ZNF248: variants seen among roughly 807,000 people sequenced by gnomAD.
ZNF248 encodes the protein KRAB protein domain.
Under a neutral mutation model 44.3 loss-of-function variants are expected in ZNF248, and 20 were observed. That is an observed-to-expected ratio of 0.45 (90% confidence interval 0.32 to 0.66). The LOEUF (loss-of-function observed/expected upper bound fraction) is 0.66. Among genes scored for constraint, ZNF248 ranks in the 30% least tolerant of loss-of-function variants. ZNF248 has a pLI of 0.04. For missense variants in ZNF248, 654 were observed against 677.0 expected, an observed-to-expected ratio of 0.97 and a Z score of 0.38; for synonymous variants, 224 against 229.0, an observed-to-expected ratio of 0.98 and a Z score of 0.20.
chr10:37,818,668 T>G (rs949315525), intron 6 of ZNF248: 7 of 529,226 alleles, frequency 1.3e-5, no homozygotes, highest in Admixed American at 2.6e-5. Context: ...GCAGGGCTAC[T>G]CACAAAGACC....
In ZNF248 at chr10:37,832,928, A is replaced by G. The variant is rs777956153; in HGVS notation, c.427T>C (p.Cys143Arg). 6.8e-6 allele frequency: 11 copies of G among 1,613,258 alleles called. No individual in the cohort carries two copies. Among genetic ancestry groups the G allele is most frequent in the Non-Finnish European group, 8.5e-6 (10 of 1,179,694 alleles). ...RNYPYKICDS[C>R]EMNLKNISGL... ...GAAATATTTTTCAAATTCATTTCAC[A>G]TGAGTCACATATTTTATAGGGATAA... The change falls in exon 6 of 6, where the codon TGT becomes CGT. Residue 143 changes from cysteine to arginine, a missense_variant. Physicochemically the swap from Cys to Arg is radical, Grantham distance 180. Coordinates refer to ENST00000395867, the MANE Select transcript of ZNF248 (RefSeq NM_021045.3).
At chr10:37,784,727 G>A (rs1337155176) in intron 6 of ZNF248, among the ~76,000 whole-genome samples, 3 of 152,160 alleles carry the variant, frequency 2.0e-5, no homozygotes, top group South Asian at 2.1e-4. Context: ...AGTACACAGT[G>A]AGTTCCACAA....
chr10:37,777,229 T>G (rs2046676440), intron 6 of ZNF248, among the ~76,000 whole-genome samples: 1 of 152,174 alleles, frequency 6.6e-6, no homozygotes, highest in African/African-American at 2.4e-5. Context: ...CTTGAACCTT[T>G]GAAGTGGGCC....
In ZNF248 at chr10:37,856,352, A is replaced by G. The variant is rs2061284025; in HGVS notation, c.-27-15T>C. On this transcript the variant is annotated splice_polypyrimidine_tract_variant and intron_variant, in intron 2 of 5. Transcript: ENST00000395867. The stretch of plus-strand genomic sequence containing the variant: ...AGGAAGGAGAGCTGAAGGATTAGAA[A>G]GGAAGAATGTCAGGAGAGCCTTCGC... 1 of 1,613,260 alleles carries G rather than the reference A, an allele frequency of 6.2e-7. No individual in the cohort carries two copies. Among genetic ancestry groups the G allele is most frequent in the Non-Finnish European group, 8.5e-7 (1 of 1,179,698 alleles).
Position 37,857,385 on chromosome 10 carries a change from A to G in ZNF248, c.-326T>C, listed in dbSNP as rs1356362071. On this transcript the variant is annotated 5_prime_UTR_variant, in exon 1 of 6. Coordinates refer to ENST00000395867, the MANE Select transcript of ZNF248 (RefSeq NM_021045.3). The stretch of plus-strand genomic sequence containing the variant: ...CCCTTCGCTCCTGCACTCCACGGGC[A>G]GAGAGGCCCTTGGGGCCGGTGCAGG... The G allele has an allele frequency of 6.6e-6, 1 of 152,318 alleles. No homozygotes were observed. The highest frequency in any genetic ancestry group is 1.5e-5 in the Non-Finnish European group (1 of 68,112). The allele number at this position is 152,318 out of a possible 1,614,324, so 9.4% of individuals were successfully genotyped here.
At chr10:37,806,877 A>C (rs1346360853) in intron 6 of ZNF248, among the ~76,000 whole-genome samples, 1 of 151,984 alleles carries the variant, frequency 6.6e-6, no homozygotes, top group Non-Finnish European at 1.5e-5. Flanking sequence ...TACAATCTTA[A>C]CTCTTACATG....
chr10:37,830,298 T>G lies in ZNF248; in HGVS notation c.*1317A>C. The G allele has an allele frequency of 2.0e-6, 2 of 985,378 alleles. No homozygotes were observed. The highest frequency in any genetic ancestry group is 9.4e-5 in the South Asian group (2 of 21,288). The allele number at this position is 985,378 out of a possible 1,614,324, so 61.0% of individuals were successfully genotyped here. A position where few individuals can be genotyped will look rare whatever the true frequency, so the allele number is the denominator to read the frequency against. On this transcript the variant is annotated 3_prime_UTR_variant, in exon 6 of 6. Coordinates refer to ENST00000395867, the MANE Select transcript of ZNF248 (RefSeq NM_021045.3). ...AACCTCAGAAAAGTACTGTTTAACT[T>G]CTTTACTGAAGTGATAGTTCAATAA...
At chr10:37,791,142 C>T (rs1236723201) in intron 6 of ZNF248, among the ~76,000 whole-genome samples, 3 of 137,172 alleles carry the variant, frequency 2.2e-5, no homozygotes, top group Non-Finnish European at 3.1e-5. Flanking sequence ...CCCGGGTTCA[C>T]GCCATTCTCC....
chr10:37,770,384 C>T, the ZNF248 span, among the ~76,000 whole-genome samples: 1 of 152,166 alleles, frequency 6.6e-6, no homozygotes, highest in Non-Finnish European at 1.5e-5. Context: ...TACTACAAGG[C>T]TACAGTAACC....
chr10:37,799,915 T>C (rs2049594773), intron 6 of ZNF248, among the ~76,000 whole-genome samples: 1 of 151,994 alleles, frequency 6.6e-6, no homozygotes, highest in Non-Finnish European at 1.5e-5. Context: ...TATTAAAAAA[T>C]ACTAGAAGTA....
At chr10:37,842,606 C>T (rs2058540903) in intron 3 of ZNF248, among the ~76,000 whole-genome samples, 1 of 152,102 alleles carries the variant, frequency 6.6e-6, no homozygotes, top group South Asian at 2.1e-4. Context: ...TGGGAAATAC[C>T]TGAAGGACTG....
chr10:37,838,583 C>A (rs952896291), intron 3 of ZNF248, among the ~76,000 whole-genome samples: 2 of 152,074 alleles, frequency 1.3e-5, no homozygotes, highest in South Asian at 4.1e-4. Context: ...CAAGTGACTG[C>A]CCCGCAGTCT....
rs550189260 is a variant in ZNF248, at chr10:37,831,448, C to G, written c.*167G>C. ...CATATTACTTAGATGAATAGAATTC[C>G]CCTCAGTACAAATTTTCTAATGAAA... On this transcript the variant is annotated 3_prime_UTR_variant, in exon 6 of 6. Transcript: ENST00000395867. The G allele has an allele frequency of 4.6e-5, 67 of 1,462,932 alleles. No individual in the cohort carries two copies. The African/African-American group carries it at 8.2e-4, about 18-fold the overall frequency. 90.6% of individuals were successfully genotyped at this position (1,462,932 alleles called of 1,614,324 possible). A position where few individuals can be genotyped will look rare whatever the true frequency, so the allele number is the denominator to read the frequency against.
chr10:37,795,219 T>C (rs2049012066), intron 6 of ZNF248: 1 of 152,236 alleles, frequency 6.6e-6, no homozygotes, highest in Non-Finnish European at 1.5e-5. Context: ...TTTCATACAC[T>C]GAGGATAATC....
chr10:37,792,979 C>T (rs1485480584), intron 6 of ZNF248, among the ~76,000 whole-genome samples: 5 of 152,056 alleles, frequency 3.3e-5, no homozygotes, highest in Admixed American at 2.6e-4. Context: ...ATAATGATAA[C>T]ATCATGGGAA....
At chr10:37,793,873 T>A (rs1042686732) in intron 6 of ZNF248, among the ~76,000 whole-genome samples, 1 of 152,158 alleles carries the variant, frequency 6.6e-6, no homozygotes, top group Non-Finnish European at 1.5e-5. Flanking sequence ...TGTGATGACA[T>A]TTCTTTTTAA....
intron 6 of ZNF248, among the ~76,000 whole-genome samples, chr10:37,785,077 C>A (rs964590284): frequency 1.3e-5 from 2 of 152,096 alleles, no homozygotes; most frequent in African/African-American, 4.8e-5. Flanking sequence ...TGGAGGAAGG[C>A]CAGTTTTGAG....
intron 3 of ZNF248, among the ~76,000 whole-genome samples, chr10:37,845,409 T>C (rs2059168485): frequency 7.1e-6 from 1 of 141,758 alleles, no homozygotes; most frequent in Non-Finnish European, 1.5e-5. Flanking sequence ...ATGAAAAAAA[T>C]TAAGTCACAT....
chr10:37,855,760 GGA>G (rs2061175939), intron 3 of ZNF248, among the ~76,000 whole-genome samples: 1 of 152,206 alleles, frequency 6.6e-6, no homozygotes, highest in South Asian at 2.1e-4. Flanking sequence ...TTTAGGTGAG[GGA>G]ATAAGGTTGC....
Sources: gnomAD v4.1 joint callset for allele counts (sites outside exome capture counted in the v4.1 genomes callset) on GRCh38, gnomAD v4.1.1 for gene constraint, MANE v1.5 for transcripts, NCBI Gene and HGNC (gene_info 2026-07-23, HGNC 2026-07-21) for gene names.